The following NELL2 variants were observed in gnomAD, a reference collection of about 807,000 sequenced individuals.
The protein encoded by NELL2 is protein kinase C-binding protein NELL2.
Under a neutral mutation model 109.6 loss-of-function variants are expected in NELL2, and 41 were observed. The ratio of observed to expected loss-of-function variants is 0.37; its 90% CI spans 0.29 to 0.49. The LOEUF (loss-of-function observed/expected upper bound fraction) is 0.49. Among genes scored for constraint, NELL2 ranks in the 20% least tolerant of loss-of-function variants. The pLI, the probability that NELL2 is intolerant of heterozygous loss-of-function variation, is 0.98. For synonymous variants in NELL2, 355 were observed against 344.7 expected (o/e 1.03, Z -0.33); for missense variants, 900 against 1,008.3 (o/e 0.89, Z 1.45).
intron 9 of NELL2, among the ~76,000 whole-genome samples, chr12:44,741,837 A>G (rs1312515460): frequency 1.3e-5 from 2 of 152,210 alleles, no homozygotes; most frequent in Non-Finnish European, 2.9e-5. Context: ...GGAGCCCACC[A>G]CAGCTCAAGG....
At chr12:44,577,868 T>G (rs1565956597) in intron 15 of NELL2, among the ~76,000 whole-genome samples, 1 of 152,176 alleles carries the variant, frequency 6.6e-6, no homozygotes, top group South Asian at 2.1e-4. Flanking sequence ...ACTCTTAACA[T>G]GTGGCCCGAT....
chr12:44,821,193 A>G (rs1348355113), intron 2 of NELL2, among the ~76,000 whole-genome samples: 1 of 152,130 alleles, frequency 6.6e-6, no homozygotes, highest in African/African-American at 2.4e-5. Context: ...AGCCCTGGAG[A>G]CTTGATAGCA....
intron 11 of NELL2, among the ~76,000 whole-genome samples, chr12:44,706,948 AAG>A (rs1401883193): frequency 2.0e-5 from 3 of 152,170 alleles, no homozygotes; most frequent in Non-Finnish European, 2.9e-5. Flanking sequence ...ATAACTGGAA[AAG>A]AGGGGAGGAT....
At chr12:44,540,066 T>C (rs1344066086) in intron 15 of NELL2, among the ~76,000 whole-genome samples, 5 of 152,132 alleles carry the variant, frequency 3.3e-5, no homozygotes. Context: ...TTAGATGGAG[T>C]ACAATAGGTG....
chr12:44,915,311 T>C (rs988877380), upstream of NELL2, among the ~76,000 whole-genome samples: 8 of 152,356 alleles, frequency 5.3e-5, no homozygotes, highest in Admixed American at 3.9e-4. Flanking sequence ...ATTTAAAAGA[T>C]ATACAATATG....
intron 1 of NELL2, among the ~76,000 whole-genome samples, chr12:44,892,799 A>C: frequency 7.6e-6 from 1 of 131,040 alleles, no homozygotes; most frequent in African/African-American, 3.1e-5. Flanking sequence ...CTCTGTCTCA[A>C]AAAAAAAAAA....
At chr12:44,570,319 G>A (rs896551022) in intron 15 of NELL2, among the ~76,000 whole-genome samples, 5 of 152,066 alleles carry the variant, frequency 3.3e-5, no homozygotes, top group Non-Finnish European at 5.9e-5. Flanking sequence ...ATTGTGAGAG[G>A]GATTTTTCCA....
intron 3 of NELL2, among the ~76,000 whole-genome samples, chr12:44,789,246 A>G (rs1942294010): frequency 6.6e-6 from 1 of 152,188 alleles, no homozygotes; most frequent in Non-Finnish European, 1.5e-5. Context: ...CTCCACCAGA[A>G]TAAGTGCTGG....
At chr12:44,904,094 A>T (rs1014327518) in intron 1 of NELL2, among the ~76,000 whole-genome samples, 3 of 151,944 alleles carry the variant, frequency 2.0e-5, no homozygotes, top group Non-Finnish European at 4.4e-5. Flanking sequence ...AATCTAGACA[A>T]ATTAATATGT....
intron 12 of NELL2, among the ~76,000 whole-genome samples, chr12:44,688,664 T>C (rs1322700612): frequency 6.6e-6 from 1 of 152,248 alleles, no homozygotes; most frequent in African/African-American, 2.4e-5. Flanking sequence ...CGCTTGTTTG[T>C]CACAGATAGA....
chr12:44,523,196 A>G, intron 17 of NELL2, 95 bp downstream of exon 17: 2 of 1,169,298 alleles, frequency 1.7e-6, no homozygotes, highest in Non-Finnish European at 2.5e-6. Context: ...AAGTGGATGT[A>G]CACATTGTCA....
At chr12:44,665,285 T>C (rs545579927) in intron 13 of NELL2, among the ~76,000 whole-genome samples, 199 bp downstream of exon 13, 1 of 152,144 alleles carries the variant, frequency 6.6e-6, no homozygotes, top group African/African-American at 2.4e-5. Flanking sequence ...CAAATTGGAG[T>C]ATATATTTAT....
chr12:44,718,215 T>C (rs1336314738), intron 9 of NELL2, among the ~76,000 whole-genome samples: 1 of 152,124 alleles, frequency 6.6e-6, no homozygotes, highest in Non-Finnish European at 1.5e-5. Context: ...AGATCGGGCC[T>C]ATGCCCTAAT....
intron 3 of NELL2, among the ~76,000 whole-genome samples, chr12:44,794,262 A>C (rs896703480): frequency 3.3e-5 from 5 of 152,226 alleles, no homozygotes; most frequent in Non-Finnish European, 7.3e-5. Context: ...GAGCTGACTT[A>C]AGAAAGCACT....
At chr12:44,919,498 G>A (rs1324759896) in intron 1 of NELL2, among the ~76,000 whole-genome samples, 3 of 152,162 alleles carry the variant, frequency 2.0e-5, no homozygotes, top group Admixed American at 6.5e-5. Context: ...TTCTGCAGAC[G>A]CTCAAGTTAG....
At chr12:44,819,954 C>A (rs533357815) in intron 2 of NELL2, among the ~76,000 whole-genome samples, 23 of 152,212 alleles carry the variant, frequency 1.5e-4, no homozygotes, top group Middle Eastern at 3.4e-3. Flanking sequence ...GTGGAATGCC[C>A]ATGGGAGAGA....
intron 1 of NELL2, among the ~76,000 whole-genome samples, chr12:44,894,497 A>T (rs1158129372): frequency 3.3e-5 from 5 of 152,188 alleles, no homozygotes; most frequent in Admixed American, 2.6e-4. Context: ...CAGCTACAAC[A>T]ATTTATTCTG....
chr12:44,852,144 A>G (rs925314169), intron 2 of NELL2, among the ~76,000 whole-genome samples: 1 of 152,138 alleles, frequency 6.6e-6, no homozygotes, highest in Non-Finnish European at 1.5e-5. Context: ...TCAACAGTGG[A>G]TTTGATTTAC....
chr12:44,725,105 A>G (rs1483811330), intron 9 of NELL2, among the ~76,000 whole-genome samples: 1 of 152,194 alleles, frequency 6.6e-6, no homozygotes, highest in Non-Finnish European at 1.5e-5. Context: ...TACACCATGT[A>G]CAAAAATCAA....
Sources: gnomAD v4.1 joint callset for allele counts (sites outside exome capture counted in the v4.1 genomes callset) on GRCh38, gnomAD v4.1.1 for gene constraint, MANE v1.5 for transcripts, NCBI Gene and HGNC (gene_info 2026-07-23, HGNC 2026-07-21) for gene names.